The following ARSB variants were observed in gnomAD, a reference collection of about 807,000 sequenced individuals.
The protein encoded by ARSB is N-acetylgalactosamine-4-sulfatase.
ARSB carries 41 observed loss-of-function variants against 50.9 expected under a neutral mutation model. That is an observed-to-expected ratio of 0.81 (90% CI 0.63 to 1.04). ARSB has a LOEUF of 1.04. Among genes scored for constraint, ARSB ranks in the 50% least tolerant of loss-of-function variants. ARSB has a pLI of 0.00. For missense variants in ARSB, 672 were observed against 693.3 expected (o/e 0.97, Z 0.35); for synonymous variants, 269 against 284.8 (o/e 0.94, Z 0.56).
chr5:78,898,017 C>T (rs2112260402), intron 4 of ARSB, among the ~76,000 whole-genome samples: 1 of 152,210 alleles, frequency 6.6e-6, no homozygotes, highest in Non-Finnish European at 1.5e-5. Context: ...CCTGTAATCC[C>T]AGCACTTTGG....
At position 78,815,889 on chromosome 5, in the gene ARSB, T is replaced by A. The variant is rs191754625; in HGVS notation, c.1213+23467A>T. 247 of 1,428,226 alleles carry A rather than the reference T, an allele frequency of 1.7e-4. 10 individuals are homozygous for A. The East Asian group carries it at 5.1e-3, about 30-fold the overall frequency. 88.5% of individuals were successfully genotyped at this position (1,428,226 alleles called of 1,614,324 possible). On this transcript the variant is annotated intron_variant, in intron 6 of 7. Transcript: ENST00000264914. ...CCCATCTGTGGTAGTTTATGGTTGA[T>A]CTAAGTAAGACAGCCTCCTGGGGCC...
At chr5:78,850,561 A>C (rs1167974277) in intron 5 of ARSB, among the ~76,000 whole-genome samples, 7 of 152,118 alleles carry the variant, frequency 4.6e-5, no homozygotes, top group Non-Finnish European at 5.9e-5. Flanking sequence ...TATCAGGATG[A>C]TGCTGGACTC....
At chr5:78,830,994 G>A (rs1744650058) in intron 6 of ARSB, among the ~76,000 whole-genome samples, 1 of 152,068 alleles carries the variant, frequency 6.6e-6, no homozygotes, top group Admixed American at 6.6e-5. Context: ...CACAAATAAA[G>A]CTTTATGGCT....
intron 5 of ARSB, among the ~76,000 whole-genome samples, chr5:78,840,595 A>T (rs1346723686): frequency 6.6e-6 from 1 of 152,232 alleles, no homozygotes; most frequent in Non-Finnish European, 1.5e-5. Flanking sequence ...TAAACAGCAA[A>T]AAAGGTAGGA....
intron 6 of ARSB, among the ~76,000 whole-genome samples, chr5:78,805,812 G>A (rs1743536250): frequency 6.6e-6 from 1 of 152,176 alleles, no homozygotes; most frequent in African/African-American, 2.4e-5. Flanking sequence ...ACTTAGACAC[G>A]ATGCCTGTGG....
At chr5:78,974,191 C>CTGCCCA (rs1380458744) in intron 1 of ARSB, among the ~76,000 whole-genome samples, 1 of 152,254 alleles carries the variant, frequency 6.6e-6, no homozygotes, top group African/African-American at 2.4e-5. Context: ...AAGCAGTCAG[C>CTGCCCA]TGCCCATGCT....
In ARSB at chr5:78,777,430, A is replaced by G. The variant is rs1481108304; in HGVS notation, c.*2967T>C. ...AGTTCCAGAACTTTCTCCTCACCCC[A>G]AATGGAAGCCCCATACATATGGCTG... On this transcript the variant is annotated 3_prime_UTR_variant, in exon 8 of 8. Coordinates refer to ENST00000264914, the MANE Select transcript of ARSB (RefSeq NM_000046.5). 1 of 152,600 alleles carries G rather than the reference A, an allele frequency of 6.6e-6. No homozygotes were observed. Among genetic ancestry groups the G allele is most frequent in the African/African-American group, 2.4e-5 (1 of 41,446 alleles). The allele number at this position is 152,600 out of a possible 1,614,324, so 9.5% of individuals were successfully genotyped here.
At chr5:78,971,605 T>C (rs2112538593) in intron 1 of ARSB, among the ~76,000 whole-genome samples, 1 of 152,230 alleles carries the variant, frequency 6.6e-6, no homozygotes, top group East Asian at 1.9e-4. Flanking sequence ...TTATCACTTA[T>C]GAGCTTTGTA....
rs1195556430 is a variant in ARSB at position 78,955,345 on chromosome 5, G to A, written c.848C>T (p.Ala283Val). 6.2e-7 allele frequency: 1 copy of A among 1,614,176 alleles called. No individual in the cohort carries two copies. Among genetic ancestry groups the A allele is most frequent in the South Asian group, 1.1e-5 (1 of 91,088 alleles). Residue 283 changes from alanine to valine, a missense_variant, in exon 4 of 8, where the codon GCT (alanine) becomes GTT (valine). Coordinates refer to ENST00000264914, the MANE Select transcript of ARSB (RefSeq NM_000046.5). The part of the protein sequence containing the change: ...MDEAVGNVTA[A>V]LKSSGLWNNT... ...GTTCCAGAGCCCACTGCTTTTTAAA[G>A]CTGCAGTGACATTTCCTACTGCTTC...
intron 4 of ARSB, 110 bp downstream of exon 4, chr5:78,955,185 C>G: frequency 9.4e-7 from 1 of 1,061,904 alleles, no homozygotes. Flanking sequence ...TTGCAGTTTG[C>G]ATTTATTTTA....
At chr5:78,879,384 A>G (rs1747638707) in intron 5 of ARSB, among the ~76,000 whole-genome samples, 1 of 152,334 alleles carries the variant, frequency 6.6e-6, no homozygotes, top group East Asian at 1.9e-4. Context: ...CAACAAAGAA[A>G]AACTGAAGCA....
chr5:78,817,118 T>G (rs1349447145), intron 6 of ARSB: 16 of 985,274 alleles, frequency 1.6e-5, no homozygotes, highest in Middle Eastern at 5.2e-4. Flanking sequence ...CGGACTTCAG[T>G]TCAATCAGTT....
At chr5:78,796,542 T>C (rs1367213351) in intron 6 of ARSB, among the ~76,000 whole-genome samples, 2 of 152,248 alleles carry the variant, frequency 1.3e-5, no homozygotes, top group African/African-American at 4.8e-5. Context: ...CTTTCTAAGG[T>C]GTCCTTCCCC....
chr5:78,936,358 A>T (rs1041018663), intron 4 of ARSB, among the ~76,000 whole-genome samples: 4 of 151,304 alleles, frequency 2.6e-5, no homozygotes, highest in African/African-American at 9.7e-5. Context: ...TCCTGACCTC[A>T]AGTGATCTGC....
At chr5:78,902,439 A>T (rs995090138) in intron 4 of ARSB, among the ~76,000 whole-genome samples, 4 of 152,210 alleles carry the variant, frequency 2.6e-5, no homozygotes, top group African/African-American at 9.7e-5. Context: ...TCCACACAAA[A>T]ATTGGTACCT....
At chr5:78,917,753 T>A (rs1749625735) in intron 4 of ARSB, among the ~76,000 whole-genome samples, 1 of 152,210 alleles carries the variant, frequency 6.6e-6, no homozygotes, top group African/African-American at 2.4e-5. Flanking sequence ...CCTCAAGTGA[T>A]CCACCCACCT....
intron 4 of ARSB, among the ~76,000 whole-genome samples, chr5:78,953,128 C>T (rs1384518131): frequency 1.3e-5 from 2 of 152,202 alleles, no homozygotes; most frequent in Non-Finnish European, 2.9e-5. Context: ...TTTTTCACAG[C>T]AGGACATACT....
At chr5:78,880,776 G>T (rs1250846558) in intron 5 of ARSB, among the ~76,000 whole-genome samples, 3 of 152,138 alleles carry the variant, frequency 2.0e-5, no homozygotes, top group Admixed American at 1.3e-4. Context: ...CACAAAATAG[G>T]TAATATCTAG....
intron 6 of ARSB, among the ~76,000 whole-genome samples, chr5:78,792,376 C>T (rs916406499): frequency 2.9e-5 from 4 of 139,136 alleles, no homozygotes; most frequent in Non-Finnish European, 4.6e-5. Context: ...GAGAATCTGT[C>T]GCAAAAAAAA....
Sources: allele counts gnomAD v4.1 joint callset (sites outside exome capture counted in the v4.1 genomes callset), GRCh38; gene constraint gnomAD v4.1.1; transcripts MANE v1.5; gene names NCBI Gene and HGNC (gene_info 2026-07-23, HGNC 2026-07-21).